Variants in PKD1 observed in about 807,000 individuals in gnomAD.
PKD1 encodes the protein polycystin 1, transient receptor potential channel interacting.
In PKD1, 81 loss-of-function variants were observed where a neutral mutation model predicts 361.7. That is an observed-to-expected ratio of 0.22 (90% CI 0.19 to 0.27). The LOEUF (loss-of-function observed/expected upper bound fraction) is 0.27. PKD1 is among the 10% of genes least tolerant of loss of function. The pLI, the probability that PKD1 is intolerant of heterozygous loss-of-function variation, is 1.00. For missense variants in PKD1, 6,399 were observed against 6,118.3 expected, an observed-to-expected ratio of 1.05 and a Z score of -1.53; for synonymous variants, 3,615 against 2,818.3, an observed-to-expected ratio of 1.28 and a Z score of -8.95.
Position 2,100,498 on chromosome 16 carries a change from C to G in PKD1, c.9466G>C (p.Gly3156Arg). ...DSRSGHRHLD[G>R]DRAFHRNSLD... ...CTGTTGCGGTGGAAGGCTCTGTCGC[C>G]GTCCAGGTGCCGGTGGCCGCTCCGG... The change falls in exon 27 of 46, where the codon GGC (glycine) becomes CGC (arginine). Residue 3156 changes from glycine to arginine, a missense_variant. Gly to Arg is a moderately radical substitution (Grantham distance 125, BLOSUM62 -2). Coordinates refer to ENST00000262304, the MANE Select transcript of PKD1 (RefSeq NM_001009944.3). This position sits in a 1 kb window ranked among gnomAD's most constrained non-coding sequence, Gnocchi z 4.4. The G allele has an allele frequency of 6.2e-7, 1 of 1,610,552 alleles. No homozygotes were observed.
intron 38 of PKD1, 65 bp from the exon 39 acceptor site, chr16:2,092,657 AC>A: frequency 8.6e-7 from 1 of 1,162,688 alleles, no homozygotes; most frequent in Non-Finnish European, 1.3e-6. Flanking sequence ...GTGAGCGGCC[AC>A]CAGAGACCCA....
At chr16:2,121,345 C>T (rs898933590) in intron 1 of PKD1, among the ~76,000 whole-genome samples, 2 of 151,240 alleles carry the variant, frequency 1.3e-5, no homozygotes, top group African/African-American at 4.9e-5. Flanking sequence ...AGCACCCCAT[C>T]CTGCAAGAGT....
rs756190153 is a variant in PKD1, at chr16:2,103,549, A to G, written c.8508T>C (p.Phe2836=). ...IFLVDSNPFP[F]GYISNYTVST... ...AGACGGTGTAGTTGCTGATATAGCCAAAGGGAAAGGGATTGGAGTCCACCA... is the reference window on the plus strand; with the variant it reads ...AGACGGTGTAGTTGCTGATATAGCCGAAGGGAAAGGGATTGGAGTCCACCA... The change falls in exon 23 of 46, where the codon TTT becomes TTC. Residue 2836 remains phenylalanine (F), a synonymous_variant. Coordinates refer to ENST00000262304, the MANE Select transcript of PKD1 (RefSeq NM_001009944.3). 8.7e-6 allele frequency: 14 copies of G among 1,609,346 alleles called. No homozygotes were observed. The highest frequency in any genetic ancestry group is 1.2e-5 in the Non-Finnish European group (14 of 1,179,694).
chr16:2,092,213 G>A lies in PKD1; in HGVS notation c.11270-25C>T, dbSNP rs373723776. 71 of 1,565,320 alleles carry A rather than the reference G, an allele frequency of 4.5e-5. 1 individual carries two copies. Among genetic ancestry groups the A allele is most frequent in the Admixed American group, 1.7e-4 (9 of 53,146 alleles). The stretch of plus-strand genomic sequence containing the variant: ...GCTGAAACACACAGAGCCCCAGGCC[G>A]GGGCCAGGGCCTCATCAAAACCCAA... On this transcript the variant is annotated intron_variant, in intron 39 of 45. Transcript: ENST00000262304.
rs372854226 is a variant in PKD1 at position 2,103,784 on chromosome 16, G to A, written c.8273C>T (p.Ala2758Val). ...GGAGCGCATGAGGATGCGCATGAGG[G>A]CAGAGGTCAGGTTGTAGGCCTGGGA... ...VASQAYNLTS[A>V]LMRILMRSRV... Residue 2758 changes from alanine to valine, a missense_variant, in exon 23 of 46, where the codon GCC (alanine) becomes GTC (valine). Coordinates refer to ENST00000262304, the MANE Select transcript of PKD1 (RefSeq NM_001009944.3). The A allele has an allele frequency of 4.3e-5, 69 of 1,609,634 alleles. No individual in the cohort carries two copies. Among genetic ancestry groups the A allele is most frequent in the Non-Finnish European group, 5.3e-5 (62 of 1,179,602 alleles).
At position 2,089,189 on chromosome 16, in the gene PKD1, GT is replaced by G. The variant is rs2091320501; in HGVS notation, c.*537del. On this transcript the variant is annotated 3_prime_UTR_variant, in exon 46 of 46. Transcript: ENST00000262304. ...ACCACACCTACCAAGCGCAGCAGGT[GT>G]TGGGGGAGGCCAGCTCTGGGCGCAG... The G allele has an allele frequency of 5.7e-6, 1 of 174,824 alleles. No homozygotes were observed. The highest frequency in any genetic ancestry group is 1.2e-5 in the Non-Finnish European group (1 of 81,492). 10.8% of individuals were successfully genotyped at this position (174,824 alleles called of 1,614,324 possible).
At chr16:2,117,270 G>C (rs1041789740) in intron 6 of PKD1, among the ~76,000 whole-genome samples, 1 of 152,186 alleles carries the variant, frequency 6.6e-6, no homozygotes, top group African/African-American at 2.4e-5. Flanking sequence ...GCCACCTCCC[G>C]TATGGCGTGC....
At chr16:2,093,312 GGGGCCTTCA>G in intron 37 of PKD1, 1 of 677,284 alleles carries the variant, frequency 1.5e-6, no homozygotes, top group Non-Finnish European at 2.5e-6. Context: ...GTGGTGCTTA[GGGGCCTTCA>G]GGGCCAGGCA....
chr16:2,115,918 G>A lies in PKD1; in HGVS notation c.1849+74C>T, dbSNP rs2092625846. ...CACTCTGGTGGCCACAGGACCAGCA[G>A]ACGTGAAAGCTCAGAGAGGCCACCC... On this transcript the variant is annotated intron_variant, in intron 9 of 45. Coordinates refer to ENST00000262304, the MANE Select transcript of PKD1 (RefSeq NM_001009944.3). 1.4e-5 allele frequency: 21 copies of A among 1,495,322 alleles called. No homozygotes were observed. In the South Asian group the frequency reaches 1.8e-4, roughly 13 times the overall value. 92.6% of individuals were successfully genotyped at this position (1,495,322 alleles called of 1,614,324 possible). A position where few individuals can be genotyped will look rare whatever the true frequency, so the allele number is the denominator to read the frequency against.
Position 2,100,336 on chromosome 16 carries a change from G to A in PKD1, c.9569-27C>T. 1 of 1,610,372 alleles carries A rather than the reference G, an allele frequency of 6.2e-7. No homozygotes were observed. Among genetic ancestry groups the A allele is most frequent in the Non-Finnish European group, 8.5e-7 (1 of 1,179,338 alleles). Reference sequence around the variant, plus strand: ...TGCAGAGGCGCAGGAGGGAGGTCAGGCTCGCAGGGCGCCCCAATGCGGGGG... The same window carrying A: ...TGCAGAGGCGCAGGAGGGAGGTCAGACTCGCAGGGCGCCCCAATGCGGGGG... On this transcript the variant is annotated intron_variant, in intron 27 of 45. Transcript: ENST00000262304. This position sits in a 1 kb window ranked among gnomAD's most constrained non-coding sequence, Gnocchi z 4.4.
At chr16:2,127,799 C>G (rs551517915) in intron 1 of PKD1, among the ~76,000 whole-genome samples, 1 of 150,840 alleles carries the variant, frequency 6.6e-6, no homozygotes, top group Non-Finnish European at 1.5e-5. Context: ...GGGACGTGAA[C>G]CCAGGTCTGA....
chr16:2,120,489 G>A (rs957213885), intron 1 of PKD1, among the ~76,000 whole-genome samples: 1 of 152,136 alleles, frequency 6.6e-6, no homozygotes, highest in Non-Finnish European at 1.5e-5. Context: ...CTTTGGGAAG[G>A]CCAGGAGTTT....
In PKD1 at chr16:2,103,789, G is replaced by A. The variant is rs770175283; in HGVS notation, c.8268C>T (p.Thr2756=). The A allele has an allele frequency of 2.5e-6, 4 of 1,609,714 alleles. No homozygotes were observed. Among genetic ancestry groups the A allele is most frequent in the Admixed American group, 1.7e-5 (1 of 59,958 alleles). The change falls in exon 23 of 46, where the codon ACC becomes ACT. Residue 2756 remains threonine (T), a synonymous_variant. Transcript: ENST00000262304. ...RMVASQAYNL[T]SALMRILMRS... is the part of the protein sequence containing the mutation. Reference sequence around the variant, plus strand: ...GCATGAGGATGCGCATGAGGGCAGAGGTCAGGTTGTAGGCCTGGGACGCCA... The same window carrying A: ...GCATGAGGATGCGCATGAGGGCAGAAGTCAGGTTGTAGGCCTGGGACGCCA...
rs987849221 is a variant in PKD1, at chr16:2,093,014, T to C, written c.11096A>G (p.Tyr3699Cys). 2 of 1,612,938 alleles carry C rather than the reference T, an allele frequency of 1.2e-6. No homozygotes were observed. Among genetic ancestry groups the C allele is most frequent in the South Asian group, 1.1e-5 (1 of 91,078 alleles). ...YGDASCHGHA[Y>C]RLQSAIKQEL... is the part of the protein sequence containing the mutation. ...CTGCTTGATGGCGCTTTGCAGACGGTAGGCGTGCCCATGGCATGAGGCATC... is the reference window on the plus strand; with the variant it reads ...CTGCTTGATGGCGCTTTGCAGACGGCAGGCGTGCCCATGGCATGAGGCATC... Residue 3699 changes from tyrosine to cysteine, a missense_variant, in exon 38 of 46, where the codon TAC (tyrosine) becomes TGC (cysteine). Transcript: ENST00000262304.
chr16:2,104,267 CG>C (rs778439033), intron 22 of PKD1, among the ~76,000 whole-genome samples: 511 of 32,728 alleles, frequency 0.016, 10 homozygotes, highest in Non-Finnish European at 0.016. Flanking sequence ...ACGGGGAGGA[CG>C]GGGGGGGAAA....
chr16:2,132,880 A>G (rs2092903949), intron 1 of PKD1, among the ~76,000 whole-genome samples: 1 of 149,964 alleles, frequency 6.7e-6, no homozygotes, highest in Admixed American at 6.6e-5. Context: ...TCAGGAGTTC[A>G]AGACCAGCCT....
chr16:2,128,623 G>A (rs2092827927), intron 1 of PKD1, among the ~76,000 whole-genome samples: 1 of 152,224 alleles, frequency 6.6e-6, no homozygotes, highest in South Asian at 2.1e-4. Flanking sequence ...GCGGTGCCGT[G>A]ATGAGGTATG....
Position 2,094,073 on chromosome 16 carries a change from C to T in PKD1, c.10618+19G>A, listed in dbSNP as rs1247857724. On this transcript the variant is annotated intron_variant, in intron 35 of 45. Transcript: ENST00000262304. The stretch of plus-strand genomic sequence containing the variant: ...TCACAGGGAGGGGCTAGGGGCATCC[C>T]GGGGCTACGCAAGCACACCTGTCCT... 3.8e-6 allele frequency: 6 copies of T among 1,586,454 alleles called. No homozygotes were observed. Among genetic ancestry groups the T allele is most frequent in the Admixed American group, 1.7e-5 (1 of 57,354 alleles).
chr16:2,091,994 A>G (rs2091608308), intron 40 of PKD1, 53 bp downstream of exon 40: 1 of 1,612,470 alleles, frequency 6.2e-7, no homozygotes, highest in African/African-American at 1.3e-5. Flanking sequence ...GCACTCCTGG[A>G]GAACTACTCC....
Sources: gnomAD v4.1 joint callset for allele counts (sites outside exome capture counted in the v4.1 genomes callset) on GRCh38, gnomAD v4.1.1 for gene constraint, Gnocchi (gnomAD v3.1) non-coding constraint, MANE v1.5 for transcripts, NCBI Gene and HGNC (gene_info 2026-07-23, HGNC 2026-07-21) for gene names.